WNK1: variants seen among roughly 807,000 people sequenced by gnomAD.
WNK1 encodes the protein WNK lysine deficient protein kinase 1, also known as serine/threonine-protein kinase WNK1.
In WNK1, 38 loss-of-function variants were observed where a neutral mutation model predicts 222.8. The ratio of observed to expected loss-of-function variants is 0.17; its 90% CI spans 0.13 to 0.22. The LOEUF is 0.22. Ranked by LOEUF, WNK1 falls within the 10% of genes least tolerant of loss-of-function variation. The pLI, the probability that WNK1 is intolerant of heterozygous loss-of-function variation, is 1.00. For synonymous variants in WNK1, 1,090 were observed against 1,092.9 expected, an observed-to-expected ratio of 1.00 and a Z score of 0.05; for missense variants, 2,348 against 2,918.4, an observed-to-expected ratio of 0.80 and a Z score of 4.50.
intron 1 of WNK1, among the ~76,000 whole-genome samples, chr12:767,858 AT>A (rs1408406967): frequency 1.3e-5 from 2 of 152,026 alleles, no homozygotes; most frequent in Non-Finnish European, 2.9e-5. Flanking sequence ...ATAGAGACAG[AT>A]TTTTATCAGG....
intron 1 of WNK1, among the ~76,000 whole-genome samples, chr12:802,596 C>G (rs997216676): frequency 1.3e-5 from 2 of 151,722 alleles, no homozygotes; most frequent in African/African-American, 4.8e-5. Context: ...ATCTTTTTTT[C>G]CCTCTAGAAG....
chr12:753,520 T>C lies in WNK1; in HGVS notation c.-46T>C. On this transcript the variant is annotated 5_prime_UTR_variant, in exon 1 of 28. Coordinates refer to ENST00000315939, the MANE Select transcript of WNK1 (RefSeq NM_018979.4). The surrounding 1 kb of genome is among the most constrained non-coding windows in gnomAD (Gnocchi z 5.2). ...GGCGGCTCGGCCCTTCACGCCCTTT[T>C]CGTTCACGAATCCGAGCCCGCTCGC... The C allele has an allele frequency of 6.2e-7, 1 of 1,610,044 alleles. No homozygotes were observed.
intron 24 of WNK1, 25 bp from the exon 25 acceptor site, chr12:897,454 A>G (rs749763809): frequency 7.1e-7 from 1 of 1,410,806 alleles, no homozygotes; most frequent in Admixed American, 1.7e-5. Context: ...TGGTATTTTG[A>G]ATTATGTTTG....
Position 875,257 on chromosome 12 carries a change from G to A in WNK1, c.2224-2955G>A, listed in dbSNP as rs149185236. ...TTACCATATGCCCAAAGATAACATGGGAATTCTTCCTCAAATTTATCCGTT... is the reference window on the plus strand; with the variant it reads ...TTACCATATGCCCAAAGATAACATGAGAATTCTTCCTCAAATTTATCCGTT... On this transcript the variant is annotated intron_variant, in intron 9 of 27. Transcript: ENST00000315939. Among the ~76,000 whole-genome samples, 3 of 152,228 alleles carry A rather than the reference G, an allele frequency of 2.0e-5. No homozygotes were observed. In the East Asian group the frequency reaches 5.8e-4, roughly 29 times the overall value.
intron 8 of WNK1, among the ~76,000 whole-genome samples, chr12:865,859 T>C (rs1455299081): frequency 6.6e-6 from 1 of 152,140 alleles, no homozygotes; most frequent in Non-Finnish European, 1.5e-5. Context: ...TATTTTAATT[T>C]AATCATTTAT....
chr12:845,044 C>A (rs1021403860), intron 4 of WNK1, among the ~76,000 whole-genome samples: 1 of 150,220 alleles, frequency 6.7e-6, no homozygotes, highest in African/African-American at 2.4e-5. Flanking sequence ...TACAGGCGCC[C>A]GCCACTACGC....
intron 1 of WNK1, among the ~76,000 whole-genome samples, chr12:801,400 C>T (rs967094565): frequency 1.3e-5 from 2 of 150,980 alleles, no homozygotes; most frequent in Non-Finnish European, 2.9e-5. Flanking sequence ...TCACTAGCAA[C>T]TCCCAATATA....
chr12:866,422 G>T (rs1951673511), intron 8 of WNK1, among the ~76,000 whole-genome samples: 1 of 152,180 alleles, frequency 6.6e-6, no homozygotes, highest in Non-Finnish European at 1.5e-5. Context: ...GAGTGCAGTG[G>T]CACGATCTCG....
intron 4 of WNK1, 131 bp downstream of exon 4, chr12:830,291 G>C (rs72648632): frequency 9.4e-7 from 1 of 1,060,610 alleles, no homozygotes; most frequent in East Asian, 2.6e-5. Context: ...GGGTTGGGGG[G>C]GTGGTGTTGA....
intron 1 of WNK1, among the ~76,000 whole-genome samples, chr12:783,181 C>CTGA (rs1471098632): frequency 1.3e-5 from 2 of 152,132 alleles, no homozygotes; most frequent in Non-Finnish European, 2.9e-5. Context: ...TCCCAAAGTG[C>CTGA]TGAGATTATA....
intron 2 of WNK1, among the ~76,000 whole-genome samples, chr12:823,772 T>C (rs1591864030): frequency 6.6e-6 from 1 of 152,318 alleles, no homozygotes; most frequent in Admixed American, 6.5e-5. Context: ...ATCTTAGTAC[T>C]GAAGAACTGA....
At chr12:823,051 C>A (rs1348464176) in intron 2 of WNK1, among the ~76,000 whole-genome samples, 1 of 152,096 alleles carries the variant, frequency 6.6e-6, no homozygotes, top group Non-Finnish European at 1.5e-5. Context: ...TGGCAGTCTT[C>A]AGGTTTTTTT....
At chr12:811,431 T>C (rs1946896294) in intron 1 of WNK1, among the ~76,000 whole-genome samples, 2 of 152,186 alleles carry the variant, frequency 1.3e-5, no homozygotes, top group Admixed American at 1.3e-4. Flanking sequence ...AACCAAATCT[T>C]CATTTGTCTC....
Position 879,779 on chromosome 12 carries a change from C to T in WNK1, c.2580C>T (p.Ser860=). 1 of 1,614,090 alleles carries T rather than the reference C, an allele frequency of 6.2e-7. No individual in the cohort carries two copies. Among genetic ancestry groups the T allele is most frequent in the East Asian group, 2.2e-5 (1 of 44,874 alleles). The stretch of plus-strand genomic sequence containing the variant: ...CTACGGCTCAGACAGGTTTCTCATC[C>T]CTTCCCATCACAATGGCAGCTGGCA... ...HVSTAQTGFS[S]LPITMAAGIT... Residue 860 remains serine, a synonymous_variant, in exon 11 of 28, where the codon TCC becomes TCT. Transcript: ENST00000315939.
intron 4 of WNK1, among the ~76,000 whole-genome samples, chr12:842,662 C>G (rs1375422881): frequency 6.6e-6 from 1 of 152,002 alleles, no homozygotes; most frequent in Admixed American, 6.6e-5. Flanking sequence ...TTTGTCAAGA[C>G]CCATCATTGT....
intron 2 of WNK1, among the ~76,000 whole-genome samples, chr12:818,792 G>A (rs999810185): frequency 2.0e-5 from 3 of 152,198 alleles, no homozygotes; most frequent in East Asian, 1.9e-4. Context: ...GTGATTGCAC[G>A]CATCAGTACT....
At chr12:759,836 AAG>A (rs1940768473) in intron 1 of WNK1, among the ~76,000 whole-genome samples, 1 of 147,950 alleles carries the variant, frequency 6.8e-6, no homozygotes, top group Non-Finnish European at 1.5e-5. Context: ...GGGTGTAAAA[AAG>A]AGTACCCATT....
chr12:760,833 T>C (rs1940917655), intron 1 of WNK1, among the ~76,000 whole-genome samples: 1 of 146,886 alleles, frequency 6.8e-6, no homozygotes, highest in African/African-American at 2.4e-5. Context: ...TGGCGTGATC[T>C]TGGGATCTTG....
intron 8 of WNK1, chr12:868,549 A>G (rs1951875700): frequency 6.2e-7 from 1 of 1,613,650 alleles, no homozygotes; most frequent in Admixed American, 1.7e-5. Flanking sequence ...CACGTTTGAA[A>G]TTTCACCCTG....
Sources: gnomAD v4.1 joint callset for allele counts (sites outside exome capture counted in the v4.1 genomes callset) on GRCh38, gnomAD v4.1.1 for gene constraint, Gnocchi (gnomAD v3.1) non-coding constraint, MANE v1.5 for transcripts, NCBI Gene and HGNC (gene_info 2026-07-23, HGNC 2026-07-21) for gene names.